The following IL10RB variants were observed in gnomAD, a reference collection of about 807,000 sequenced individuals.
IL10RB encodes the protein interleukin-10 receptor subunit beta.
Under a neutral mutation model 38.7 loss-of-function variants are expected in IL10RB, and 30 were observed. The ratio of observed to expected loss-of-function variants is 0.78; its 90% CI spans 0.58 to 1.05. The LOEUF is 1.05. Ranked by LOEUF, IL10RB falls within the 50% of genes least tolerant of loss-of-function variation. The pLI is 0.00. For synonymous variants in IL10RB, 142 were observed against 145.9 expected, an observed-to-expected ratio of 0.97 and a Z score of 0.19; for missense variants, 328 against 397.1, an observed-to-expected ratio of 0.83 and a Z score of 1.48.
At chr21:33,302,682 C>T (rs2082988872) in intron 1 of IL10RB, among the ~76,000 whole-genome samples, 1 of 152,180 alleles carries the variant, frequency 6.6e-6, no homozygotes, top group Admixed American at 6.5e-5. Context: ...GTGTAGCCAA[C>T]TCCTTTGAGA....
At chr21:33,294,675 C>T (rs1246515445) in intron 6 of IL10RB, among the ~76,000 whole-genome samples, 3 of 152,100 alleles carry the variant, frequency 2.0e-5, no homozygotes, top group African/African-American at 7.2e-5. Context: ...GTGGAGCTAC[C>T]CTCAGGTTCC....
Position 33,266,476 on chromosome 21 carries a change from G to T in IL10RB, c.11G>T (p.Ser4Ile). MAW[S>I]LGSWLGGCLL... ...CCCCAGCGTCCGTCCATGGCGTGGA[G>T]CCTTGGGAGCTGGCTGGGTGGCTGC... The change falls in exon 1 of 7, where the codon AGC becomes ATC. Residue 4 changes from serine to isoleucine, a missense_variant. Coordinates refer to ENST00000290200, the MANE Select transcript of IL10RB (RefSeq NM_000628.5). The T allele has an allele frequency of 6.5e-7, 1 of 1,542,438 alleles. No individual in the cohort carries two copies. The highest frequency in any genetic ancestry group is 8.7e-7 in the Non-Finnish European group (1 of 1,147,054).
At chr21:33,277,668 C>CTTTTTTTTTTTTTTTTTTTT (rs1216043179) in intron 3 of IL10RB, among the ~76,000 whole-genome samples, 21 of 92,978 alleles carry the variant, frequency 2.3e-4, no homozygotes, top group East Asian at 6.2e-4. Context: ...TTCTTTCTTT[C>CTTTTTTTTTTTTTTTTTTTT]TTTTTTTTTT....
chr21:33,303,253 T>A (rs951214492), intron 1 of IL10RB, among the ~76,000 whole-genome samples: 3 of 152,066 alleles, frequency 2.0e-5, no homozygotes, highest in African/African-American at 7.2e-5. Flanking sequence ...ACATCTATAC[T>A]GATTACTTGA....
chr21:33,270,436 A>G (rs996583096), intron 2 of IL10RB, among the ~76,000 whole-genome samples: 11 of 149,388 alleles, frequency 7.4e-5, no homozygotes, highest in Non-Finnish European at 1.2e-4. Context: ...GCTGGAGTGC[A>G]GTAGCGCGAT....
intron 2 of IL10RB, among the ~76,000 whole-genome samples, chr21:33,273,558 G>C (rs117204117): frequency 9.2e-5 from 14 of 152,300 alleles, no homozygotes; most frequent in Non-Finnish European, 1.9e-4. Context: ...TGCAGTGACT[G>C]TGACAATTTC....
intron 4 of IL10RB, among the ~76,000 whole-genome samples, chr21:33,282,090 T>G (rs992668433): frequency 7.9e-5 from 12 of 151,084 alleles, no homozygotes; most frequent in Middle Eastern, 3.4e-3. Context: ...TTGATTTGCT[T>G]TTGGTCTTTT....
At chr21:33,294,388 T>TGC (rs1031620921) in intron 6 of IL10RB, among the ~76,000 whole-genome samples, 54 of 88,798 alleles carry the variant, frequency 6.1e-4, no homozygotes, top group African/African-American at 3.3e-3. Context: ...TGTGTGTGTG[T>TGC]GCGTGTGTGT....
exon 2 of IL10RB, chr21:33,310,058 G>A (rs973639023): frequency 5.3e-5 from 8 of 152,220 alleles, no homozygotes; most frequent in African/African-American, 1.9e-4. Context: ...TGAGGACACA[G>A]TGAGAATGTA....
downstream of IL10RB, among the ~76,000 whole-genome samples, chr21:33,298,414 G>A (rs8178572): frequency 0.071 from 10,777 of 152,144 alleles, 1,250 homozygotes; most frequent in African/African-American, 0.24. Flanking sequence ...AGGAGTTCGA[G>A]ACCAGCCTGG....
At chr21:33,268,275 C>T in intron 1 of IL10RB, 119 bp from the exon 2 acceptor site, 1 of 1,567,102 alleles carries the variant, frequency 6.4e-7, no homozygotes, top group East Asian at 2.4e-5. Context: ...CCCTCCCTCA[C>T]CCACGTGGCC....
intron 6 of IL10RB, among the ~76,000 whole-genome samples, chr21:33,295,796 G>A (rs2082963389): frequency 6.6e-6 from 1 of 151,664 alleles, no homozygotes; most frequent in South Asian, 2.1e-4. Flanking sequence ...TGTAATCCCA[G>A]CACTTTGGGA....
intron 1 of IL10RB, among the ~76,000 whole-genome samples, chr21:33,267,381 T>C (rs1482253430): frequency 2.0e-5 from 3 of 151,998 alleles, no homozygotes; most frequent in Non-Finnish European, 4.4e-5. Flanking sequence ...CATTTATATC[T>C]CTCTTGGTAC....
At chr21:33,301,265 T>G (rs752151848), downstream of IL10RB, among the ~76,000 whole-genome samples, 1 of 152,148 alleles carries the variant, frequency 6.6e-6, no homozygotes, top group Non-Finnish European at 1.5e-5. Flanking sequence ...TCTCCCTGAG[T>G]CAGGTCCATG....
intron 6 of IL10RB, among the ~76,000 whole-genome samples, chr21:33,291,637 G>C (rs529263596): frequency 2.0e-5 from 3 of 152,270 alleles, no homozygotes; most frequent in South Asian, 4.2e-4. Flanking sequence ...AAACACCTGT[G>C]AAACCTTGGG....
downstream of IL10RB, among the ~76,000 whole-genome samples, chr21:33,300,582 TGAAAG>T (rs2082983532): frequency 6.6e-6 from 1 of 151,754 alleles, no homozygotes; most frequent in Non-Finnish European, 1.5e-5. Flanking sequence ...ATATGCAAAG[TGAAAG>T]AAAACAGTTA....
intron 3 of IL10RB, among the ~76,000 whole-genome samples, chr21:33,278,558 T>A (rs1455643903): frequency 1.3e-5 from 2 of 152,154 alleles, no homozygotes; most frequent in African/African-American, 4.8e-5. Context: ...TTAGCTCCCA[T>A]CCATGGAAGT....
At chr21:33,268,147 C>T (rs1420290481) in intron 1 of IL10RB, 2 of 1,259,988 alleles carry the variant, frequency 1.6e-6, no homozygotes, top group Admixed American at 2.9e-5. Context: ...AGCTTTCTGC[C>T]ACCAGACAAA....
intron 4 of IL10RB, 52 bp downstream of exon 4, chr21:33,279,970 AGAATCTTGCAAGGTG>A (rs1342497318): frequency 1.9e-6 from 3 of 1,542,480 alleles, no homozygotes; most frequent in Middle Eastern, 1.7e-4. Context: ...TATTCTTTGC[AGAATCTTGCAAGGTG>A]GCAGCACCTT....
Sources: gnomAD v4.1 joint callset for allele counts (sites outside exome capture counted in the v4.1 genomes callset) on GRCh38, gnomAD v4.1.1 for gene constraint, MANE v1.5 for transcripts, NCBI Gene and HGNC (gene_info 2026-07-23, HGNC 2026-07-21) for gene names.